ANKRD44: variants seen among roughly 807,000 people sequenced by gnomAD.
ANKRD44 encodes ankyrin repeat domain 44.
A neutral mutation model predicts 116.0 loss-of-function variants in ANKRD44; 35 were observed. That is an observed-to-expected ratio of 0.30 (90% CI 0.23 to 0.40). ANKRD44 has a LOEUF of 0.40. Ranked by LOEUF, ANKRD44 falls within the 10% of genes least tolerant of loss-of-function variation. The pLI is 1.00. For synonymous variants in ANKRD44, 435 were observed against 461.8 expected (o/e 0.94, Z 0.74); for missense variants, 1,014 against 1,242.6 (o/e 0.82, Z 2.77).
chr2:197,128,599 C>T (rs956716979), intron 4 of ANKRD44, among the ~76,000 whole-genome samples: 1 of 152,192 alleles, frequency 6.6e-6, no homozygotes, highest in African/African-American at 2.4e-5. Context: ...CCTGTTCACT[C>T]TGATGATAGT....
chr2:197,306,967 T>C (rs1397639929), intron 1 of ANKRD44, among the ~76,000 whole-genome samples: 1 of 152,030 alleles, frequency 6.6e-6, no homozygotes, highest in Non-Finnish European at 1.5e-5. Flanking sequence ...AGTGGACACT[T>C]TAAACATGCA....
At chr2:197,013,453 A>G (rs2076333632) in intron 18 of ANKRD44, 58 bp downstream of exon 18, 5 of 1,560,066 alleles carry the variant, frequency 3.2e-6, no homozygotes, top group East Asian at 2.3e-5. Context: ...CTTTCCTTCT[A>G]TTAAAACTTA....
Position 197,202,877 on chromosome 2 carries a change from C to CT in ANKRD44, c.28-15772dup, listed in dbSNP as rs952037664. On this transcript the variant is annotated intron_variant, in intron 1 of 27. Coordinates refer to ENST00000282272, the MANE Select transcript of ANKRD44 (RefSeq NM_001195144.2). Reference sequence around the variant, plus strand: ...ACAGGTGTGAGCCACCACGCCTGGCCTTTTTTTTTTTTAAGACCTAAATGG... The same window carrying CT: ...ACAGGTGTGAGCCACCACGCCTGGCCTTTTTTTTTTTTTAAGACCTAAATGG... 3.0e-3 allele frequency among the ~76,000 whole-genome samples: 430 copies of CT among 144,724 alleles called. 2 individuals carry two copies. Among genetic ancestry groups the CT allele is most frequent in the African/African-American group, 7.3e-3 (290 of 39,634 alleles). 94.9% of individuals were successfully genotyped at this position (144,724 alleles called of 152,430 possible).
Position 197,203,545 on chromosome 2 carries a change from T to C in ANKRD44, c.28-16439A>G, listed in dbSNP as rs2081139250. On this transcript the variant is annotated intron_variant, in intron 1 of 27. Transcript: ENST00000282272. The surrounding 1 kb of genome is among the most constrained non-coding windows in gnomAD (Gnocchi z 4.1). ...AATTTTATTTAGCTATTTAGCTTGG[T>C]AGTTCCTCAATAAGTTAAACATGGA... Among the ~76,000 whole-genome samples, 1 of 152,264 alleles carries C rather than the reference T, an allele frequency of 6.6e-6. No homozygotes were observed. Among genetic ancestry groups the C allele is most frequent in the African/African-American group, 2.4e-5 (1 of 41,470 alleles).
Position 197,025,208 on chromosome 2 carries a change from T to C in ANKRD44, c.1710A>G (p.Pro570=). 2 of 1,611,980 alleles carry C rather than the reference T, an allele frequency of 1.2e-6. No individual in the cohort carries two copies. Among genetic ancestry groups the C allele is most frequent in the Non-Finnish European group, 1.7e-6 (2 of 1,178,308 alleles). The change falls in exon 17 of 28, where the codon CCA becomes CCG. Residue 570 remains proline (P), a synonymous_variant. Transcript: ENST00000282272. ...EESDSGATKS[P]LHLAAYNGHH... ...GCATCTCACTTACAGCTAAGTGGAG[T>C]GGACTCTTAGTAGCACCAGAATCTG...
intron 1 of ANKRD44, among the ~76,000 whole-genome samples, chr2:197,206,892 G>A (rs756402808): frequency 2.0e-5 from 3 of 152,140 alleles, no homozygotes; most frequent in African/African-American, 2.4e-5. Context: ...TTAGAATTAC[G>A]TCCCTCATGT....
chr2:197,219,213 GC>G (rs2081528031), intron 1 of ANKRD44, among the ~76,000 whole-genome samples: 1 of 151,842 alleles, frequency 6.6e-6, no homozygotes, highest in South Asian at 2.1e-4. Context: ...GGGACTACAG[GC>G]ATATGCCACC....
At chr2:196,981,140 T>A (rs1367059989) in intron 21 of ANKRD44, among the ~76,000 whole-genome samples, 1 of 152,234 alleles carries the variant, frequency 6.6e-6, no homozygotes, top group Non-Finnish European at 1.5e-5. Context: ...ACTCTGGGGC[T>A]ACAATTCAAT....
Position 197,167,163 on chromosome 2 carries a change from G to T in ANKRD44, c.111+19860C>A, listed in dbSNP as rs368229064. ...GCACATCAAAGTTTGAAAAGCATTA[G>T]CTATAAGGTAGAAATAAGACATTTG... On this transcript the variant is annotated intron_variant, in intron 2 of 27. Transcript: ENST00000282272. Among the ~76,000 whole-genome samples, 346 of 151,966 alleles carry T rather than the reference G, an allele frequency of 2.3e-3. 1 individual carries two copies. Among genetic ancestry groups the T allele is most frequent in the African/African-American group, 8.1e-3 (335 of 41,422 alleles).
intron 1 of ANKRD44, among the ~76,000 whole-genome samples, chr2:197,259,329 A>G (rs1026677871): frequency 2.0e-5 from 3 of 152,184 alleles, no homozygotes; most frequent in Non-Finnish European, 4.4e-5. Flanking sequence ...AGAGCTAAAC[A>G]CTAAGAACAC....
intron 3 of ANKRD44, among the ~76,000 whole-genome samples, chr2:197,145,935 GAA>G (rs1324824001): frequency 6.6e-6 from 1 of 152,182 alleles, no homozygotes; most frequent in African/African-American, 2.4e-5. Context: ...AGAGGAAGAA[GAA>G]AGACAGCTTG....
intron 2 of ANKRD44, among the ~76,000 whole-genome samples, chr2:197,150,213 A>C (rs1403353311): frequency 2.0e-5 from 3 of 152,190 alleles, no homozygotes; most frequent in African/African-American, 7.2e-5. Flanking sequence ...ATGCCAAAGA[A>C]TTAGGTGTCC....
intron 4 of ANKRD44, among the ~76,000 whole-genome samples, chr2:197,128,838 G>A (rs907592073): frequency 6.6e-6 from 1 of 152,008 alleles, no homozygotes; most frequent in African/African-American, 2.4e-5. Context: ...ACTGTCTGTG[G>A]TAAAGAACCA....
At chr2:197,062,387 G>A (rs1027864390) in intron 16 of ANKRD44, among the ~76,000 whole-genome samples, 4 of 152,194 alleles carry the variant, frequency 2.6e-5, no homozygotes, top group East Asian at 1.9e-4. Flanking sequence ...GAGCTTAAGC[G>A]CATTGATTTT....
At chr2:197,094,227 T>G (rs1413776949) in intron 10 of ANKRD44, among the ~76,000 whole-genome samples, 3 of 152,158 alleles carry the variant, frequency 2.0e-5, no homozygotes, top group African/African-American at 7.2e-5. Flanking sequence ...AGTGACAGAG[T>G]CAGAAACTTG....
At chr2:197,177,019 T>C (rs1431453558) in intron 2 of ANKRD44, among the ~76,000 whole-genome samples, 1 of 152,106 alleles carries the variant, frequency 6.6e-6, no homozygotes, top group Admixed American at 6.6e-5. Flanking sequence ...CCTAAAGCAA[T>C]AGGTCCTTGG....
intron 1 of ANKRD44, among the ~76,000 whole-genome samples, chr2:197,289,758 A>G (rs542482796): frequency 2.0e-5 from 3 of 152,316 alleles, no homozygotes; most frequent in African/African-American, 7.2e-5. Context: ...GAATCATTCC[A>G]TATCTTGATT....
intron 16 of ANKRD44, among the ~76,000 whole-genome samples, chr2:197,040,242 CAACAAAAAAACAAAACAA>C (rs2076885453): frequency 6.7e-6 from 1 of 149,924 alleles, no homozygotes; most frequent in Non-Finnish European, 1.5e-5. Context: ...GACACCATCT[CAACAAAAAAACAAAACAA>C]AACAAAAAAA....
At chr2:197,164,663 C>T (rs898566062) in intron 2 of ANKRD44, among the ~76,000 whole-genome samples, 2 of 152,188 alleles carry the variant, frequency 1.3e-5, no homozygotes, top group African/African-American at 4.8e-5. Flanking sequence ...GCCCCTCCTG[C>T]CCCGGACGTC....
Sources: allele counts gnomAD v4.1 joint callset (sites outside exome capture counted in the v4.1 genomes callset), GRCh38; gene constraint gnomAD v4.1.1; non-coding constraint Gnocchi (gnomAD v3.1); transcripts MANE v1.5; gene names NCBI Gene and HGNC (gene_info 2026-07-23, HGNC 2026-07-21).